MARK1: variants seen among roughly 807,000 people sequenced by gnomAD.
The protein encoded by MARK1 is microtubule affinity regulating kinase 1.
In MARK1, 40 loss-of-function variants were observed where a neutral mutation model predicts 96.3. The observed-to-expected ratio is 0.42, with a 90% CI of 0.32 to 0.54. The LOEUF is 0.54. Among genes scored for constraint, MARK1 ranks in the 20% least tolerant of loss-of-function variants. The pLI is 0.16. For missense variants in MARK1, 719 were observed against 984.6 expected (o/e 0.73, Z 3.61); for synonymous variants, 317 against 341.2 (o/e 0.93, Z 0.78).
rs762516817 is a variant in MARK1, at chr1:220,579,394, C to G, written c.92C>G (p.Pro31Arg). 1.9e-6 allele frequency: 3 copies of G among 1,614,052 alleles called. No individual in the cohort carries two copies. The South Asian group carries it at 3.3e-5, about 18-fold the overall frequency. Residue 31 changes from proline to arginine, a missense_variant, in exon 2 of 18, where the codon CCT (proline) becomes CGT (arginine). By Grantham distance (103) the Pro-to-Arg change is moderately radical. Transcript: ENST00000366917. ...GGATATACTGAACCACACATCCAGC[C>G]TACCAAGTCGAGTAGCAGACAGAAC... is the stretch of plus-strand genomic sequence containing the variant. Reference protein sequence around the residue: ...VDGYTEPHIQPTKSSSRQNIP... With the variant: ...VDGYTEPHIQRTKSSSRQNIP...
At chr1:220,553,287 C>G (rs149587728) in intron 1 of MARK1, among the ~76,000 whole-genome samples, 2 of 152,360 alleles carry the variant, frequency 1.3e-5, no homozygotes, top group South Asian at 2.1e-4. Context: ...ACCAGGTACA[C>G]TGCTCAAAGT....
chr1:220,560,410 GATT>G (rs1662588630), intron 1 of MARK1, among the ~76,000 whole-genome samples: 1 of 152,144 alleles, frequency 6.6e-6, no homozygotes. Context: ...CTCAGCATGG[GATT>G]ATTATTTTTT....
intron 13 of MARK1, among the ~76,000 whole-genome samples, chr1:220,647,197 CA>C (rs1668627447): frequency 2.6e-5 from 4 of 151,848 alleles, no homozygotes; most frequent in Non-Finnish European, 4.4e-5. Context: ...GGAACTTAAG[CA>C]AATTTACAAG....
At chr1:220,573,657 A>G (rs1663633418) in intron 1 of MARK1, among the ~76,000 whole-genome samples, 1 of 151,998 alleles carries the variant, frequency 6.6e-6, no homozygotes. Flanking sequence ...CCTGTGTCCC[A>G]GTTGTTAAGA....
intron 1 of MARK1, among the ~76,000 whole-genome samples, chr1:220,573,166 CCTT>C (rs1281145111): frequency 6.6e-6 from 1 of 151,972 alleles, no homozygotes; most frequent in Admixed American, 6.6e-5. Flanking sequence ...TGGTATTTAT[CCTT>C]CTTAGAATTT....
chr1:220,528,951 G>T, intron 1 of MARK1, 78 bp downstream of exon 1: 4 of 1,419,936 alleles, frequency 2.8e-6, no homozygotes, highest in Non-Finnish European at 3.8e-6. Flanking sequence ...CGCTTGGGCC[G>T]TCCCCCGTGC....
intron 6 of MARK1, among the ~76,000 whole-genome samples, chr1:220,611,171 C>A (rs1666418602): frequency 6.6e-6 from 1 of 152,234 alleles, no homozygotes; most frequent in Non-Finnish European, 1.5e-5. Context: ...CAACCATGCC[C>A]TGCCCACAGA....
chr1:220,552,436 C>T (rs1277038839), intron 1 of MARK1, among the ~76,000 whole-genome samples: 1 of 151,988 alleles, frequency 6.6e-6, no homozygotes, highest in Non-Finnish European at 1.5e-5. Context: ...AATATATTAC[C>T]CCAGCTCTGC....
At chr1:220,589,176 C>T (rs1664828832) in intron 3 of MARK1, among the ~76,000 whole-genome samples, 1 of 152,168 alleles carries the variant, frequency 6.6e-6, no homozygotes, top group African/African-American at 2.4e-5. Flanking sequence ...AGACCAAGGG[C>T]AACTTCGTCA....
At chr1:220,539,563 G>A (rs1207340243) in intron 1 of MARK1, among the ~76,000 whole-genome samples, 1 of 151,984 alleles carries the variant, frequency 6.6e-6, no homozygotes, top group African/African-American at 2.4e-5. Context: ...ATTTTGTTGA[G>A]TGGTGTTTTT....
At chr1:220,596,648 G>A (rs1052746888) in intron 3 of MARK1, among the ~76,000 whole-genome samples, 2 of 151,872 alleles carry the variant, frequency 1.3e-5, no homozygotes, top group African/African-American at 4.8e-5. Context: ...TTTTAATTGG[G>A]GTGAACATTT....
chr1:220,602,473 G>A (rs149173848), intron 5 of MARK1, among the ~76,000 whole-genome samples: 1 of 152,248 alleles, frequency 6.6e-6, no homozygotes, highest in Non-Finnish European at 1.5e-5. Flanking sequence ...AACAATATAT[G>A]ATAAGTACAG....
chr1:220,660,146 A>G (rs1323194957), intron 17 of MARK1, among the ~76,000 whole-genome samples: 2 of 152,206 alleles, frequency 1.3e-5, no homozygotes, highest in South Asian at 2.1e-4. Context: ...CTGATCTCTC[A>G]GGACCCTTCC....
intron 1 of MARK1, among the ~76,000 whole-genome samples, chr1:220,529,488 C>T (rs1220542133): frequency 4.6e-5 from 7 of 152,186 alleles, no homozygotes; most frequent in Non-Finnish European, 1.0e-4. Flanking sequence ...ATTTCACGAA[C>T]AGCATCTATG....
chr1:220,598,800 C>T (rs1665550717), intron 4 of MARK1, among the ~76,000 whole-genome samples: 1 of 151,818 alleles, frequency 6.6e-6, no homozygotes, highest in African/African-American at 2.4e-5. Context: ...TTGAGACCAC[C>T]CTGGGCAACA....
intron 13 of MARK1, among the ~76,000 whole-genome samples, chr1:220,643,203 C>T (rs189958448): frequency 9.2e-5 from 14 of 152,150 alleles, no homozygotes; most frequent in South Asian, 6.2e-4. Context: ...AGCTAAGAAC[C>T]GTGATGAAAG....
chr1:220,541,357 G>A (rs1661135429), intron 1 of MARK1, among the ~76,000 whole-genome samples: 1 of 152,138 alleles, frequency 6.6e-6, no homozygotes, highest in South Asian at 2.1e-4. Context: ...AGAATGTTCT[G>A]TGTGTGCTTG....
At chr1:220,659,639 A>G (rs868245100) in intron 17 of MARK1, among the ~76,000 whole-genome samples, 43 of 152,210 alleles carry the variant, frequency 2.8e-4, no homozygotes, top group African/African-American at 9.6e-4. Flanking sequence ...AATGGACATT[A>G]TCAGTGGTAA....
intron 1 of MARK1, among the ~76,000 whole-genome samples, chr1:220,534,262 T>G (rs1479372212): frequency 6.6e-6 from 1 of 152,168 alleles, no homozygotes; most frequent in Non-Finnish European, 1.5e-5. Context: ...AATTGGGATA[T>G]CTATCACTTT....
Sources: allele counts gnomAD v4.1 joint callset (sites outside exome capture counted in the v4.1 genomes callset), GRCh38; gene constraint gnomAD v4.1.1; transcripts MANE v1.5; gene names NCBI Gene and HGNC (gene_info 2026-07-23, HGNC 2026-07-21).